PCDHGB5: variants seen among roughly 807,000 people sequenced by gnomAD.
PCDHGB5 encodes the protein protocadherin gamma subfamily B, 5.
In PCDHGB5, 48 loss-of-function variants were observed where a neutral mutation model predicts 62.9. The ratio of observed to expected loss-of-function variants is 0.76; its 90% CI spans 0.61 to 0.97. PCDHGB5 has a LOEUF of 0.97. Among genes scored for constraint, PCDHGB5 ranks in the 50% least tolerant of loss-of-function variants. The probability of loss-of-function intolerance (pLI) is 0.00; values close to 1 mark genes in which losing one functional copy is unlikely to be tolerated. For missense variants in PCDHGB5, 1,118 were observed against 1,198.6 expected (o/e 0.93, Z 0.99); for synonymous variants, 474 against 511.2 (o/e 0.93, Z 0.98).
Position 141,476,908 on chromosome 5 carries a change from A to T in PCDHGB5, c.2398-17899A>T. ...ATGCACCCTCCGGCACGCGCGTGGT[A>T]CAAGTCCTTGCAACGGATCTGGATG... is the stretch of plus-strand genomic sequence containing the variant. On this transcript the variant is annotated intron_variant, in intron 1 of 3. Coordinates refer to ENST00000617380, the MANE Select transcript of PCDHGB5 (RefSeq NM_018925.3). This position sits in a 1 kb window ranked among gnomAD's most constrained non-coding sequence, Gnocchi z 7.6. The T allele has an allele frequency of 1.2e-6, 2 of 1,614,050 alleles. No individual in the cohort carries two copies. The highest frequency in any genetic ancestry group is 1.7e-6 in the Non-Finnish European group (2 of 1,180,038).
intron 1 of PCDHGB5, chr5:141,404,584 C>T: frequency 6.2e-7 from 1 of 1,613,980 alleles, no homozygotes; most frequent in Non-Finnish European, 8.5e-7. Flanking sequence ...CACTTAGCAG[C>T]AATGTGTCAT....
chr5:141,415,627 A>T, intron 1 of PCDHGB5: 1 of 1,598,406 alleles, frequency 6.3e-7, no homozygotes, highest in Non-Finnish European at 8.5e-7. Context: ...TTTTATTTTC[A>T]TTTTTACTTT....
Position 141,433,407 on chromosome 5 carries a change from T to C in PCDHGB5, c.2397+32883T>C, listed in dbSNP as rs939103465. Among the ~76,000 whole-genome samples, 537 of 125,956 alleles carry C rather than the reference T, an allele frequency of 4.3e-3. 4 individuals carry two copies. Among genetic ancestry groups the C allele is most frequent in the African/African-American group, 0.016 (523 of 33,156 alleles). The allele number at this position is 125,956 out of a possible 152,430, so 82.6% of individuals were successfully genotyped here. On this transcript the variant is annotated intron_variant, in intron 1 of 3. Coordinates refer to ENST00000617380, the MANE Select transcript of PCDHGB5 (RefSeq NM_018925.3). ...TCTATCTATCTATCTATCTATCTATTACTTTCTTGTACAGACAGGAGTCTC... is the reference window on the plus strand; with the variant it reads ...TCTATCTATCTATCTATCTATCTATCACTTTCTTGTACAGACAGGAGTCTC...
rs758013542 is a variant in PCDHGB5 at position 141,418,314 on chromosome 5, C to A, written c.2397+17790C>A. 9 of 1,613,988 alleles carry A rather than the reference C, an allele frequency of 5.6e-6. No homozygotes were observed. In the East Asian group the frequency reaches 1.3e-4, roughly 24 times the overall value. On this transcript the variant is annotated intron_variant, in intron 1 of 3. Coordinates refer to ENST00000617380, the MANE Select transcript of PCDHGB5 (RefSeq NM_018925.3). ...GAATCCGTCAGCCTGGGGATGGGAACAATTCTTGAGTCTGCAGAAGATCCT... is the reference window on the plus strand; with the variant it reads ...GAATCCGTCAGCCTGGGGATGGGAAAAATTCTTGAGTCTGCAGAAGATCCT...
intron 1 of PCDHGB5, among the ~76,000 whole-genome samples, chr5:141,463,025 T>G (rs2099051289): frequency 6.6e-6 from 1 of 152,202 alleles, no homozygotes; most frequent in Non-Finnish European, 1.5e-5. Flanking sequence ...ACTTTTTTGA[T>G]TAATCTGAGT....
intron 1 of PCDHGB5, chr5:141,479,339 G>GTA (rs1298553162): frequency 1.3e-5 from 2 of 152,644 alleles, no homozygotes; most frequent in East Asian, 3.8e-4. Context: ...GTGTGCACCT[G>GTA]TAGTTCTTGC....
intron 1 of PCDHGB5, among the ~76,000 whole-genome samples, chr5:141,483,164 T>C (rs1051456583): frequency 1.1e-4 from 17 of 152,148 alleles, no homozygotes; most frequent in Non-Finnish European, 2.5e-4. Context: ...AGATCCTGAG[T>C]TACCTTTGGG....
chr5:141,419,656 G>C lies in PCDHGB5; in HGVS notation c.2397+19132G>C. The C allele has an allele frequency of 1.9e-6, 3 of 1,612,648 alleles. No homozygotes were observed. The East Asian group carries it at 6.7e-5, about 36-fold the overall frequency. ...TGGTGGCCGTGGACGCGGACTCGGGGCACAATGCCTGGCTGTCCTACCACG... is the reference window on the plus strand; with the variant it reads ...TGGTGGCCGTGGACGCGGACTCGGGCCACAATGCCTGGCTGTCCTACCACG... On this transcript the variant is annotated intron_variant, in intron 1 of 3. Transcript: ENST00000617380.
At chr5:141,505,583 T>C (rs2099846941) in intron 3 of PCDHGB5, 102 bp downstream of exon 3, 3 of 1,583,532 alleles carry the variant, frequency 1.9e-6, no homozygotes, top group Non-Finnish European at 2.6e-6. Flanking sequence ...ACCTGTGTAG[T>C]TTCTCCAGAT....
chr5:141,482,530 C>CAAAAAAAAAAAAAAAAA (rs3074545), intron 1 of PCDHGB5, among the ~76,000 whole-genome samples: 1 of 76,562 alleles, frequency 1.3e-5, no homozygotes, highest in African/African-American at 4.8e-5. Flanking sequence ...GACAGACATG[C>CAAAAAAAAAAAAAAAAA]AAAAAAAAAA....
chr5:141,420,286 A>C, intron 1 of PCDHGB5: 1 of 1,505,774 alleles, frequency 6.6e-7, no homozygotes, highest in Non-Finnish European at 8.9e-7. Flanking sequence ...TAAGTATTTA[A>C]AAATGTATTT....
chr5:141,420,135 A>T (rs2096469364), intron 1 of PCDHGB5: 1 of 1,614,026 alleles, frequency 6.2e-7, no homozygotes. Flanking sequence ...GTGCCTGGGG[A>T]TCAAATGAAT....
intron 1 of PCDHGB5, among the ~76,000 whole-genome samples, chr5:141,447,233 G>A (rs565398752): frequency 2.6e-5 from 4 of 152,028 alleles, no homozygotes; most frequent in Non-Finnish European, 4.4e-5. Flanking sequence ...TCCGCCTCCC[G>A]GGTTCAAGTG....
intron 1 of PCDHGB5, chr5:141,404,765 T>A: frequency 6.2e-7 from 1 of 1,613,120 alleles, no homozygotes; most frequent in Non-Finnish European, 8.5e-7. Context: ...TGCTTGGCTC[T>A]CCTACCGCCT....
At chr5:141,451,607 C>T (rs2154563647) in intron 1 of PCDHGB5, among the ~76,000 whole-genome samples, 1 of 152,288 alleles carries the variant, frequency 6.6e-6, no homozygotes, top group Non-Finnish European at 1.5e-5. Context: ...CAAGGCTAGG[C>T]ATGGTGGCTC....
intron 1 of PCDHGB5, among the ~76,000 whole-genome samples, chr5:141,450,123 T>G (rs565568384): frequency 2.4e-4 from 36 of 150,874 alleles, no homozygotes; most frequent in Non-Finnish European, 4.7e-4. Context: ...TCTCCTGCCT[T>G]AGCCTCCTGA....
intron 1 of PCDHGB5, chr5:141,478,520 G>C (rs1474701976): frequency 1.2e-6 from 2 of 1,610,510 alleles, no homozygotes; most frequent in East Asian, 4.5e-5. Context: ...GCAGGTGTTG[G>C]GTGCAGAGAG....
intron 1 of PCDHGB5, among the ~76,000 whole-genome samples, chr5:141,461,733 C>G (rs930217307): frequency 2.0e-5 from 3 of 152,168 alleles, no homozygotes; most frequent in African/African-American, 2.4e-5. Context: ...TGCAGTGGCA[C>G]AATCCCGGCT....
chr5:141,501,299 AC>A (rs1446641380), intron 2 of PCDHGB5, among the ~76,000 whole-genome samples: 1 of 149,208 alleles, frequency 6.7e-6, no homozygotes, highest in African/African-American at 2.5e-5. Flanking sequence ...ATACACACAC[AC>A]ACACACACAC....
Sources: gnomAD v4.1 joint callset for allele counts (sites outside exome capture counted in the v4.1 genomes callset) on GRCh38, gnomAD v4.1.1 for gene constraint, Gnocchi (gnomAD v3.1) non-coding constraint, MANE v1.5 for transcripts, NCBI Gene and HGNC (gene_info 2026-07-23, HGNC 2026-07-21) for gene names.